DAPP1: variants seen among roughly 807,000 people sequenced by gnomAD.
DAPP1 encodes dual adaptor of phosphotyrosine and 3-phosphoinositides 1.
Under a neutral mutation model 41.5 loss-of-function variants are expected in DAPP1, and 20 were observed. The ratio of observed to expected loss-of-function variants is 0.48; its 90% CI spans 0.34 to 0.70. The LOEUF (loss-of-function observed/expected upper bound fraction) is 0.70, where lower values mean the gene tolerates loss of function less well. DAPP1 is among the 30% of genes least tolerant of loss of function. The probability of loss-of-function intolerance (pLI) is 0.01; values close to 1 mark genes in which losing one functional copy is unlikely to be tolerated. For missense variants in DAPP1, 233 were observed against 333.4 expected (o/e 0.70, Z 2.35); for synonymous variants, 113 against 116.2 (o/e 0.97, Z 0.18).
chr4:99,827,670 C>G (rs946175316), intron 1 of DAPP1, among the ~76,000 whole-genome samples: 3 of 152,092 alleles, frequency 2.0e-5, no homozygotes, highest in African/African-American at 7.2e-5. Context: ...TGTGAAGAAA[C>G]TAATGCATTC....
intron 1 of DAPP1, among the ~76,000 whole-genome samples, chr4:99,826,721 C>T (rs1046221407): frequency 6.6e-6 from 1 of 152,222 alleles, no homozygotes; most frequent in East Asian, 1.9e-4. Flanking sequence ...CCCATGTCCA[C>T]TCCAGTGCCT....
At chr4:99,818,418 T>C (rs1186833632) in intron 1 of DAPP1, among the ~76,000 whole-genome samples, 1 of 152,176 alleles carries the variant, frequency 6.6e-6, no homozygotes. Context: ...CCCACTGTAA[T>C]AGAAAACCCC....
At chr4:99,855,503 T>C (rs1415754202) in intron 4 of DAPP1, among the ~76,000 whole-genome samples, 1 of 152,208 alleles carries the variant, frequency 6.6e-6, no homozygotes, top group East Asian at 1.9e-4. Context: ...ATCAGATGGA[T>C]TCACCTCTTT....
At chr4:99,859,356 C>G (rs953729806) in intron 4 of DAPP1, among the ~76,000 whole-genome samples, 2 of 152,180 alleles carry the variant, frequency 1.3e-5, no homozygotes, top group African/African-American at 2.4e-5. Flanking sequence ...GAATAGTACT[C>G]TAGAAATCGA....
At chr4:99,849,539 G>A (rs6849599) in intron 3 of DAPP1, among the ~76,000 whole-genome samples, 75,835 of 151,966 alleles carry the variant, frequency 0.5, 19,653 homozygotes, top group African/African-American at 0.64. Flanking sequence ...ACCAAGAGGT[G>A]ACAGCACTGC....
chr4:99,859,079 A>G (rs34453741), intron 4 of DAPP1, among the ~76,000 whole-genome samples: 42,163 of 151,470 alleles, frequency 0.28, 6,448 homozygotes, highest in African/African-American at 0.41. Flanking sequence ...TTGTATTTTC[A>G]TTTTTTTATT....
At chr4:99,853,996 A>C (rs1194749000) in intron 4 of DAPP1, among the ~76,000 whole-genome samples, 1 of 152,192 alleles carries the variant, frequency 6.6e-6, no homozygotes, top group Non-Finnish European at 1.5e-5. Flanking sequence ...TTAAGAAAAT[A>C]TATTTTTTTA....
chr4:99,838,896 A>G (rs866621948), intron 2 of DAPP1, among the ~76,000 whole-genome samples: 6 of 152,392 alleles, frequency 3.9e-5, no homozygotes, highest in Middle Eastern at 3.4e-3. Context: ...GAAGGGAAAA[A>G]GCAGTTAACT....
intron 1 of DAPP1, among the ~76,000 whole-genome samples, chr4:99,831,169 T>C (rs1723107291): frequency 6.6e-6 from 1 of 152,246 alleles, no homozygotes; most frequent in South Asian, 2.1e-4. Context: ...GGGGAACGTG[T>C]TAAAACCAAG....
At chr4:99,819,721 A>G (rs1395621965) in intron 1 of DAPP1, among the ~76,000 whole-genome samples, 1 of 131,672 alleles carries the variant, frequency 7.6e-6, no homozygotes, top group Admixed American at 7.1e-5. Context: ...TTAAGAGGTT[A>G]TTTGAGTAGT....
chr4:99,862,355 A>T (rs1724268462), intron 5 of DAPP1, among the ~76,000 whole-genome samples: 1 of 152,178 alleles, frequency 6.6e-6, no homozygotes, highest in African/African-American at 2.4e-5. Context: ...ATTGACACCC[A>T]GGATAGAGTA....
intron 4 of DAPP1, among the ~76,000 whole-genome samples, chr4:99,857,581 T>C (rs775565935): frequency 6.6e-6 from 1 of 152,128 alleles, no homozygotes; most frequent in Non-Finnish European, 1.5e-5. Context: ...TCTTCTTGGA[T>C]ACTTTCCTTG....
At chr4:99,857,530 T>C (rs1009956169) in intron 4 of DAPP1, among the ~76,000 whole-genome samples, 5 of 152,192 alleles carry the variant, frequency 3.3e-5, no homozygotes, top group Non-Finnish European at 5.9e-5. Flanking sequence ...GCAACATCTT[T>C]CTGTCTTTAT....
chr4:99,871,874 C>A (rs1724634694), downstream of DAPP1, among the ~76,000 whole-genome samples: 1 of 152,174 alleles, frequency 6.6e-6, no homozygotes, highest in Non-Finnish European at 1.5e-5. Flanking sequence ...AGTGGCCAGA[C>A]AATGAGATTG....
At chr4:99,824,818 C>A (rs1188741279) in intron 1 of DAPP1, among the ~76,000 whole-genome samples, 1 of 152,154 alleles carries the variant, frequency 6.6e-6, no homozygotes, top group Non-Finnish European at 1.5e-5. Flanking sequence ...TTTTTCCAAT[C>A]CAAATAAAAT....
At chr4:99,820,669 G>A (rs1045702685) in intron 1 of DAPP1, among the ~76,000 whole-genome samples, 3 of 152,138 alleles carry the variant, frequency 2.0e-5, no homozygotes, top group Non-Finnish European at 2.9e-5. Context: ...CCATGGAGCA[G>A]CAAACCTTTT....
chr4:99,827,565 A>G (rs946704836), intron 1 of DAPP1, among the ~76,000 whole-genome samples: 1 of 151,598 alleles, frequency 6.6e-6, no homozygotes, highest in African/African-American at 2.4e-5. Flanking sequence ...AAAACAAAAA[A>G]CACCATCACA....
At chr4:99,834,593 C>T (rs1421756851) in intron 1 of DAPP1, among the ~76,000 whole-genome samples, 1 of 151,984 alleles carries the variant, frequency 6.6e-6, no homozygotes, top group East Asian at 1.9e-4. Flanking sequence ...ACAGAGGTTT[C>T]GCCGTGAAAA....
chr4:99,863,582 A>G (rs1724314454), intron 6 of DAPP1, among the ~76,000 whole-genome samples, 188 bp from the exon 7 acceptor site: 1 of 152,168 alleles, frequency 6.6e-6, no homozygotes, highest in African/African-American at 2.4e-5. Flanking sequence ...GCCCAGTTTT[A>G]TGAAAGGCTC....
Sources: allele counts gnomAD v4.1 joint callset (sites outside exome capture counted in the v4.1 genomes callset), GRCh38; gene constraint gnomAD v4.1.1; transcripts MANE v1.5; gene names NCBI Gene and HGNC (gene_info 2026-07-23, HGNC 2026-07-21).